Variants in RBFOX3 observed in about 807,000 individuals in gnomAD.
RBFOX3 encodes RNA binding protein fox-1 homolog 3.
A neutral mutation model predicts 48.7 loss-of-function variants in RBFOX3; 17 were observed. The ratio of observed to expected loss-of-function variants is 0.35; its 90% CI spans 0.24 to 0.52. The LOEUF is 0.52. Ranked by LOEUF, RBFOX3 falls within the 20% of genes least tolerant of loss-of-function variation. RBFOX3 has a pLI of 0.94. For missense variants in RBFOX3, 382 were observed against 497.5 expected, an observed-to-expected ratio of 0.77 and a Z score of 2.21; for synonymous variants, 212 against 209.5, an observed-to-expected ratio of 1.01 and a Z score of -0.10.
chr17:79,394,702 T>C (rs2061774633), intron 2 of RBFOX3, among the ~76,000 whole-genome samples: 1 of 152,166 alleles, frequency 6.6e-6, no homozygotes, highest in Non-Finnish European at 1.5e-5. Context: ...TATCCAAGTC[T>C]CTTTGCACAG....
intron 1 of RBFOX3, among the ~76,000 whole-genome samples, chr17:79,578,374 G>A (rs1272434553): frequency 1.3e-5 from 2 of 152,252 alleles, no homozygotes; most frequent in African/African-American, 4.8e-5. Flanking sequence ...ACCGAGGCAG[G>A]GTGCCCACTG....
Position 79,097,309 on chromosome 17 carries a change from G to A in RBFOX3, c.738C>T (p.Pro246=), listed in dbSNP as rs544051756. 1.9e-6 allele frequency: 3 copies of A among 1,542,548 alleles called. No homozygotes were observed. Among genetic ancestry groups the A allele is most frequent in the South Asian group, 1.2e-5 (1 of 83,344 alleles). Residue 246 remains proline (P), a synonymous_variant, in exon 11 of 15, where the codon CCC becomes CCT. Coordinates refer to ENST00000693108, the MANE Select transcript of RBFOX3 (RefSeq NM_001350451.2). ...NTFRAAPPPP[P]IPTYGAALEQ... ...GTACTCACGCTCCGTAAGTCGGGAT[G>A]GGGGGTGGGGGTGGCGCAGCCCGAA...
chr17:79,637,425 G>A, the RBFOX3 span, among the ~76,000 whole-genome samples: 3 of 151,986 alleles, frequency 2.0e-5, no homozygotes, highest in East Asian at 1.9e-4. Flanking sequence ...TAACAAATTC[G>A]GCTAATGTCT....
intron 2 of RBFOX3, among the ~76,000 whole-genome samples, chr17:79,452,861 C>T (rs2073791973): frequency 6.6e-6 from 1 of 152,208 alleles, no homozygotes. Flanking sequence ...CCTTGGCAGG[C>T]TCAGGGCCTT....
chr17:79,447,985 C>G (rs995081404), intron 2 of RBFOX3, among the ~76,000 whole-genome samples: 29 of 152,136 alleles, frequency 1.9e-4, no homozygotes, highest in Admixed American at 1.9e-3. Flanking sequence ...TAGCACCTCC[C>G]CCTTCGCTCT....
chr17:79,173,158 C>T lies in RBFOX3; in HGVS notation c.-33-57410G>A, dbSNP rs980445965. On this transcript the variant is annotated intron_variant, in intron 4 of 14. Coordinates refer to ENST00000693108, the MANE Select transcript of RBFOX3 (RefSeq NM_001350451.2). ...CCAGGAGGCAGAAGTTGCAGTGAGC[C>T]GAGATTGCACCACTGCAGTCCAGCC... Among the ~76,000 whole-genome samples, 3 of 151,682 alleles carry T rather than the reference C, an allele frequency of 2.0e-5. No homozygotes were observed. In the East Asian group the frequency reaches 5.8e-4, roughly 29 times the overall value.
intron 4 of RBFOX3, among the ~76,000 whole-genome samples, chr17:79,217,603 A>C (rs1022191599): frequency 6.6e-6 from 1 of 152,024 alleles, no homozygotes; most frequent in African/African-American, 2.4e-5. Flanking sequence ...CCCAAGGATG[A>C]GGGTGGGGGT....
the RBFOX3 span, among the ~76,000 whole-genome samples, chr17:79,652,396 T>C: frequency 6.6e-6 from 1 of 151,266 alleles, no homozygotes; most frequent in Non-Finnish European, 1.5e-5. Flanking sequence ...CAGTGAGTTA[T>C]GATTGTACCA....
intron 2 of RBFOX3, among the ~76,000 whole-genome samples, chr17:79,379,603 C>T (rs1325131562): frequency 6.6e-6 from 1 of 152,152 alleles, no homozygotes; most frequent in African/African-American, 2.4e-5. Flanking sequence ...TGAGCAGGGA[C>T]CTCGGAGACT....
intron 2 of RBFOX3, among the ~76,000 whole-genome samples, chr17:79,313,544 C>T (rs531283763): frequency 1.1e-4 from 16 of 152,330 alleles, no homozygotes; most frequent in South Asian, 6.2e-4. Flanking sequence ...AGCCACAGAA[C>T]CCCTACAATC....
chr17:79,164,069 A>T (rs9302889), intron 4 of RBFOX3, among the ~76,000 whole-genome samples: 103,374 of 152,146 alleles, frequency 0.68, 39,772 homozygotes, highest in Non-Finnish European at 0.86. Context: ...GGCTCCAGGA[A>T]TCCTTCTGTA....
At chr17:79,232,050 C>T (rs555219324) in intron 4 of RBFOX3, among the ~76,000 whole-genome samples, 13 of 152,274 alleles carry the variant, frequency 8.5e-5, no homozygotes, top group South Asian at 2.1e-4. Flanking sequence ...AAATACCAGA[C>T]GCTTACAAAA....
At chr17:79,430,865 T>G (rs140885525) in intron 2 of RBFOX3, among the ~76,000 whole-genome samples, 1 of 152,316 alleles carries the variant, frequency 6.6e-6, no homozygotes, top group East Asian at 1.9e-4. Flanking sequence ...AAATATTGTT[T>G]CTTATCTGCC....
chr17:79,474,451 C>T (rs985692733), intron 2 of RBFOX3, among the ~76,000 whole-genome samples: 7 of 152,160 alleles, frequency 4.6e-5, no homozygotes, highest in African/African-American at 1.2e-4. Context: ...TTTCCCTCAA[C>T]GGATGGTGAC....
intron 4 of RBFOX3, among the ~76,000 whole-genome samples, chr17:79,147,817 T>TAC (rs1440777278): frequency 1.3e-5 from 2 of 152,202 alleles, no homozygotes; most frequent in African/African-American, 4.8e-5. Flanking sequence ...GGTGCAAGCT[T>TAC]TGCCAAGCGC....
intron 9 of RBFOX3, chr17:79,098,046 A>G (rs1734812367): frequency 2.4e-6 from 1 of 410,430 alleles, no homozygotes. Flanking sequence ...AGCCTGGGGT[A>G]CCCACCTCCC....
At chr17:79,186,247 C>A (rs2053369018) in intron 4 of RBFOX3, among the ~76,000 whole-genome samples, 2 of 152,226 alleles carry the variant, frequency 1.3e-5, no homozygotes, top group Non-Finnish European at 2.9e-5. Flanking sequence ...CTGAGAATAG[C>A]AGAATGGAAT....
intron 1 of RBFOX3, among the ~76,000 whole-genome samples, chr17:79,522,025 C>T (rs2086183160): frequency 6.6e-6 from 1 of 152,186 alleles, no homozygotes; most frequent in Admixed American, 6.5e-5. Context: ...GGCTGACCTT[C>T]ACCCGACGGA....
chr17:79,223,721 C>T (rs747888459), intron 4 of RBFOX3, among the ~76,000 whole-genome samples: 1 of 152,178 alleles, frequency 6.6e-6, no homozygotes, highest in Non-Finnish European at 1.5e-5. Context: ...CAGGACACTC[C>T]CCCACCGAGG....
Sources: allele counts gnomAD v4.1 joint callset (sites outside exome capture counted in the v4.1 genomes callset), GRCh38; gene constraint gnomAD v4.1.1; transcripts MANE v1.5; gene names NCBI Gene and HGNC (gene_info 2026-07-23, HGNC 2026-07-21).